EHD1: variants seen among roughly 807,000 people sequenced by gnomAD.
EHD1 encodes EH domain containing 1.
In EHD1, 19 loss-of-function variants were observed where a neutral mutation model predicts 39.0. The ratio of observed to expected loss-of-function variants is 0.49; its 90% CI spans 0.34 to 0.72. The LOEUF (loss-of-function observed/expected upper bound fraction) is 0.72. Ranked by LOEUF, EHD1 falls within the 30% of genes least tolerant of loss-of-function variation. The pLI, the probability that EHD1 is intolerant of heterozygous loss-of-function variation, is 0.01. For synonymous variants in EHD1, 323 were observed against 331.2 expected (o/e 0.98, Z 0.27); for missense variants, 542 against 751.5 (o/e 0.72, Z 3.26).
At chr11:64,856,429 A>G (rs7126744) in intron 3 of EHD1, 129,434 of 152,388 alleles carry the variant, frequency 0.85, 55,503 homozygotes, top group Non-Finnish European at 0.89. Flanking sequence ...TTATCCAAGC[A>G]TCAATACCTT....
At chr11:64,858,099 C>T (rs1943673485) in intron 3 of EHD1, among the ~76,000 whole-genome samples, 1 of 151,184 alleles carries the variant, frequency 6.6e-6, no homozygotes, top group Non-Finnish European at 1.5e-5. Context: ...GTCTCTAACT[C>T]CTGGCCTTAA....
At chr11:64,861,881 T>G (rs993786147) in intron 2 of EHD1, among the ~76,000 whole-genome samples, 1 of 152,146 alleles carries the variant, frequency 6.6e-6, no homozygotes, top group African/African-American at 2.4e-5. Context: ...ACTCCAGCTT[T>G]AAGCTCCATA....
Position 64,854,444 on chromosome 11 carries a change from G to C in EHD1, c.1494C>G (p.Asp498Glu), listed in dbSNP as rs775315983. 3.1e-6 allele frequency: 5 copies of C among 1,614,092 alleles called. No homozygotes were observed. The highest frequency in any genetic ancestry group is 1.1e-5 in the South Asian group (1 of 91,082). Residue 498 changes from aspartate to glutamate, a missense_variant, in exon 5 of 5, where the codon GAC becomes GAG. Transcript: ENST00000320631. The part of the protein sequence containing the change: ...ADVDKDGLLD[D>E]EEFALANHLI... Reference sequence around the variant, plus strand: ...GGTGGTTGGCCAGCGCGAACTCCTCGTCGTCCAGCAGCCCGTCCTTGTCCA... The same window carrying C: ...GGTGGTTGGCCAGCGCGAACTCCTCCTCGTCCAGCAGCCCGTCCTTGTCCA...
chr11:64,869,940 G>C (rs1412959385), intron 2 of EHD1, among the ~76,000 whole-genome samples: 1 of 152,178 alleles, frequency 6.6e-6, no homozygotes, highest in Non-Finnish European at 1.5e-5. Context: ...GTGGGAGTGT[G>C]GGCAGGGAGG....
At chr11:64,859,635 T>G in intron 3 of EHD1, 1 of 391,472 alleles carries the variant, frequency 2.6e-6, no homozygotes, top group Non-Finnish European at 4.6e-6. Flanking sequence ...ACTTCCTGTG[T>G]GCTGTTTCTG....
At chr11:64,863,773 C>T (rs1390992893) in intron 2 of EHD1, among the ~76,000 whole-genome samples, 1 of 152,168 alleles carries the variant, frequency 6.6e-6, no homozygotes, top group Non-Finnish European at 1.5e-5. Context: ...ACTCCACTCC[C>T]GCCCCCTGCC....
At chr11:64,855,767 T>C (rs1943644643) in intron 3 of EHD1, 2 of 444,130 alleles carry the variant, frequency 4.5e-6, no homozygotes, top group Non-Finnish European at 8.2e-6. Context: ...GCACGGATCA[T>C]TGTGATGATT....
Position 64,854,296 on chromosome 11 carries a change from C to T in EHD1, c.*37G>A. 3.8e-6 allele frequency: 6 copies of T among 1,559,134 alleles called. No homozygotes were observed. The highest frequency in any genetic ancestry group is 4.3e-6 in the Non-Finnish European group (5 of 1,154,094). On this transcript the variant is annotated 3_prime_UTR_variant, in exon 5 of 5. Transcript: ENST00000320631. The stretch of plus-strand genomic sequence containing the variant: ...CCCTCCCCCCGTCTCTGCCTCCCGG[C>T]CGGGCGTGCAAATGGCAGGTGCGGG...
Position 64,854,663 on chromosome 11 carries a change from G to T in EHD1, c.1275C>A (p.Gly425=), listed in dbSNP as rs1235521417. Residue 425 remains glycine, a synonymous_variant, in exon 5 of 5, where the codon GGC becomes GGA. Transcript: ENST00000320631. Reference sequence around the variant, plus strand: ...TGCCCTCGCCGGCCCCCTCGCCGTAGCCGTGCCCGAACGGCCCGTTCATGG... The same window carrying T: ...TGCCCTCGCCGGCCCCCTCGCCGTATCCGTGCCCGAACGGCCCGTTCATGG... ...DGTMNGPFGH[G]YGEGAGEGID... 5 of 1,613,750 alleles carry T rather than the reference G, an allele frequency of 3.1e-6. No individual in the cohort carries two copies. In the African/African-American group the frequency reaches 6.7e-5, roughly 22 times the overall value.
At chr11:64,876,467 C>A (rs1309913481) in intron 1 of EHD1, among the ~76,000 whole-genome samples, 1 of 152,244 alleles carries the variant, frequency 6.6e-6, no homozygotes, top group Non-Finnish European at 1.5e-5. Context: ...CGTGTGCCAC[C>A]TCTCAGATCC....
intron 2 of EHD1, among the ~76,000 whole-genome samples, chr11:64,867,564 C>T (rs1038407262): frequency 2.0e-4 from 31 of 152,002 alleles, no homozygotes; most frequent in African/African-American, 2.7e-4. Context: ...ACTAAAAATA[C>T]AAAAATTAGC....
At position 64,852,732 on chromosome 11, in the gene EHD1, T is replaced by C. The variant is rs1418799356; in HGVS notation, c.*1601A>G. On this transcript the variant is annotated 3_prime_UTR_variant, in exon 5 of 5. Coordinates refer to ENST00000320631, the MANE Select transcript of EHD1 (RefSeq NM_006795.4). ...AAAAGACAAGGAAGCACCCGAAGCT[T>C]TCGCACAGTTCAGACTTTTTAATGC... 1 of 152,678 alleles carries C rather than the reference T, an allele frequency of 6.5e-6. No individual in the cohort carries two copies. Among genetic ancestry groups the C allele is most frequent in the East Asian group, 1.9e-4 (1 of 5,194 alleles). The allele number at this position is 152,678 out of a possible 1,614,324, so 9.5% of individuals were successfully genotyped here.
intron 1 of EHD1, among the ~76,000 whole-genome samples, chr11:64,877,605 C>A (rs1453913747): frequency 1.3e-5 from 2 of 152,248 alleles, no homozygotes; most frequent in Non-Finnish European, 2.9e-5. Flanking sequence ...CAGACCCACA[C>A]CGCACCAGAG....
rs1251643959 is a variant in EHD1 at position 64,868,948 on chromosome 11, C to T, written c.502+5473G>A. 6.6e-6 allele frequency among the ~76,000 whole-genome samples: 1 copy of T among 152,206 alleles called. No individual in the cohort carries two copies. ...GAGCCTCGGTTCCCAGCTTCTCAGT[C>T]TGTAACACGAAGATAGTAGGTTTCC... On this transcript the variant is annotated intron_variant, in intron 2 of 4. Coordinates refer to ENST00000320631, the MANE Select transcript of EHD1 (RefSeq NM_006795.4). This position sits in a 1 kb window ranked among gnomAD's most constrained non-coding sequence, Gnocchi z 4.2.
chr11:64,865,259 C>T (rs889991701), intron 2 of EHD1, among the ~76,000 whole-genome samples: 4 of 152,260 alleles, frequency 2.6e-5, no homozygotes, highest in African/African-American at 4.8e-5. Flanking sequence ...ACCAGGCCCT[C>T]GCTGCCCTCA....
chr11:64,862,219 T>C (rs1009587093), intron 2 of EHD1, among the ~76,000 whole-genome samples: 2 of 152,190 alleles, frequency 1.3e-5, no homozygotes, highest in Non-Finnish European at 2.9e-5. Flanking sequence ...TAAACTCTAT[T>C]CTATATTGCT....
chr11:64,854,848 G>C lies in EHD1; in HGVS notation c.1090C>G (p.Gln364Glu). Residue 364 changes from glutamine (Q) to glutamate (E), a missense_variant, in exon 5 of 5, where the codon CAG becomes GAG. Gln to Glu is a conservative substitution (Grantham distance 29, BLOSUM62 2). Transcript: ENST00000320631. The stretch of plus-strand genomic sequence containing the variant: ...TGGAACTTGCTGAAGTCCTGGGTCT[G>C]CAGGAGTTCCTGTGGGCGGGGGAGG... The part of the protein sequence containing the change: ...PSLRKMQELL[Q>E]TQDFSKFQAL... The C allele has an allele frequency of 6.3e-7, 1 of 1,597,930 alleles. No individual in the cohort carries two copies. The highest frequency in any genetic ancestry group is 8.5e-7 in the Non-Finnish European group (1 of 1,178,436).
chr11:64,870,537 G>T lies in EHD1; in HGVS notation c.502+3884C>A, dbSNP rs114578070. 4.9e-3 allele frequency among the ~76,000 whole-genome samples: 739 copies of T among 152,366 alleles called. 8 individuals carry two copies. The highest frequency in any genetic ancestry group is 0.017 in the African/African-American group (701 of 41,594). On this transcript the variant is annotated intron_variant, in intron 2 of 4. Transcript: ENST00000320631. Reference sequence around the variant, plus strand: ...CAGACACAAAGCTGGCCAGGTCTCTGATCTGCTACTGCAAGTAGAAACACT... The same window carrying T: ...CAGACACAAAGCTGGCCAGGTCTCTTATCTGCTACTGCAAGTAGAAACACT...
At chr11:64,867,844 G>T (rs1438542669) in intron 2 of EHD1, among the ~76,000 whole-genome samples, 1 of 152,270 alleles carries the variant, frequency 6.6e-6, no homozygotes, top group African/African-American at 2.4e-5. Context: ...AGAACAGAGT[G>T]GCTCCGGGCA....
Sources: allele counts gnomAD v4.1 joint callset (sites outside exome capture counted in the v4.1 genomes callset), GRCh38; gene constraint gnomAD v4.1.1; non-coding constraint Gnocchi (gnomAD v3.1); transcripts MANE v1.5; gene names NCBI Gene and HGNC (gene_info 2026-07-23, HGNC 2026-07-21).